Variants in HECW2 observed in about 807,000 individuals in gnomAD.
HECW2 encodes the protein HECT, C2 and WW domain containing E3 ubiquitin protein ligase 2.
In HECW2, 61 loss-of-function variants were observed where a neutral mutation model predicts 175.2. The observed-to-expected ratio is 0.35, with a 90% CI of 0.28 to 0.43. The LOEUF (loss-of-function observed/expected upper bound fraction) is 0.43, where lower values mean the gene tolerates loss of function less well. Ranked by LOEUF, HECW2 falls within the 20% of genes least tolerant of loss-of-function variation. The probability of loss-of-function intolerance (pLI) is 1.00; values close to 1 mark genes in which losing one functional copy is unlikely to be tolerated. For synonymous variants in HECW2, 671 were observed against 731.0 expected (o/e 0.92, Z 1.32); for missense variants, 1,524 against 2,000.5 (o/e 0.76, Z 4.54).
intron 25 of HECW2, 109 bp downstream of exon 25, chr2:196,220,686 G>T: frequency 8.4e-7 from 1 of 1,191,576 alleles, no homozygotes; most frequent in Non-Finnish European, 1.2e-6. Context: ...CATGGAAAGA[G>T]CAACAGTAAA....
chr2:196,307,767 T>A (rs1164001078), intron 11 of HECW2, among the ~76,000 whole-genome samples, 168 bp downstream of exon 11: 1 of 152,194 alleles, frequency 6.6e-6, no homozygotes, highest in East Asian at 1.9e-4. Flanking sequence ...TATTTTTTTT[T>A]AATCAAGAGA....
At chr2:196,216,391 AATCCAAAGGAGCTAAG>A (rs947290833) in intron 27 of HECW2, among the ~76,000 whole-genome samples, 11 of 152,262 alleles carry the variant, frequency 7.2e-5, no homozygotes, top group Admixed American at 1.3e-4. Flanking sequence ...CCAGACCCTT[AATCCAAAGGAGCTAAG>A]ATCCAAAGGA....
chr2:196,275,486 G>A lies in HECW2; in HGVS notation c.3136-1363C>T, dbSNP rs957035029. ...GGAAATGTGTGGGCCAGGCACGGTG[G>A]CTCACACCTATAATCCCAGCACTTT... On this transcript the variant is annotated intron_variant, in intron 15 of 28. Coordinates refer to ENST00000644978, the MANE Select transcript of HECW2 (RefSeq NM_001348768.2). 5.9e-5 allele frequency among the ~76,000 whole-genome samples: 9 copies of A among 152,208 alleles called. No individual in the cohort carries two copies. The East Asian group carries it at 1.3e-3, about 23-fold the overall frequency.
At chr2:196,215,840 A>T (rs777318950) in intron 28 of HECW2, 25 bp downstream of exon 28, 1 of 1,475,540 alleles carries the variant, frequency 6.8e-7, no homozygotes, top group Non-Finnish European at 9.5e-7. Flanking sequence ...TTGTGACAGT[A>T]AAGAAATGTT....
At chr2:196,523,372 T>G (rs1482721538) in intron 1 of HECW2, among the ~76,000 whole-genome samples, 1 of 152,050 alleles carries the variant, frequency 6.6e-6, no homozygotes, top group Non-Finnish European at 1.5e-5. Flanking sequence ...AAGGAGATTT[T>G]GGGCTGAGAC....
chr2:196,571,868 G>C (rs1312943195), intron 1 of HECW2, among the ~76,000 whole-genome samples: 1 of 152,078 alleles, frequency 6.6e-6, no homozygotes, highest in Non-Finnish European at 1.5e-5. Flanking sequence ...ATAGCTAAAA[G>C]GTAGAAGCAA....
intron 2 of HECW2, among the ~76,000 whole-genome samples, chr2:196,411,806 T>A (rs529795148): frequency 6.6e-6 from 1 of 152,100 alleles, no homozygotes; most frequent in South Asian, 2.1e-4. Flanking sequence ...AGGTCAAGAG[T>A]TTCAGACCAG....
intron 1 of HECW2, among the ~76,000 whole-genome samples, chr2:196,466,413 T>G (rs569338855): frequency 2.4e-4 from 36 of 152,362 alleles, no homozygotes; most frequent in African/African-American, 8.2e-4. Flanking sequence ...AATCCAGGGA[T>G]AAAAGTTTAG....
chr2:196,278,999 T>A (rs561360264), intron 14 of HECW2, among the ~76,000 whole-genome samples: 1 of 152,292 alleles, frequency 6.6e-6, no homozygotes, highest in South Asian at 2.1e-4. Context: ...TTTGAGCTCT[T>A]ACTGTCATAT....
intron 1 of HECW2, among the ~76,000 whole-genome samples, chr2:196,574,376 G>C (rs1690488665): frequency 6.6e-6 from 1 of 152,036 alleles, no homozygotes; most frequent in Admixed American, 6.6e-5. Flanking sequence ...GTTGCGGTGA[G>C]CAGAGATAGC....
At chr2:196,433,487 T>G in intron 1 of HECW2, 29 bp from the exon 2 acceptor site, 1 of 1,516,738 alleles carries the variant, frequency 6.6e-7, no homozygotes. Flanking sequence ...CATAAAACAT[T>G]AGTGCTACAA....
At chr2:196,418,517 A>C (rs1328393577) in intron 2 of HECW2, among the ~76,000 whole-genome samples, 2 of 152,206 alleles carry the variant, frequency 1.3e-5, no homozygotes, top group East Asian at 3.9e-4. Context: ...ATACTGGTAC[A>C]TATTTCAGAG....
At chr2:196,464,769 C>T (rs947487291) in intron 1 of HECW2, among the ~76,000 whole-genome samples, 5 of 152,174 alleles carry the variant, frequency 3.3e-5, no homozygotes, top group Non-Finnish European at 5.9e-5. Flanking sequence ...TGGCCAGGCA[C>T]GGTGGCTCAC....
intron 1 of HECW2, among the ~76,000 whole-genome samples, chr2:196,505,809 A>G (rs942014030): frequency 6.6e-6 from 1 of 152,210 alleles, no homozygotes; most frequent in Non-Finnish European, 1.5e-5. Context: ...CATTCAATGA[A>G]TATTTACTGA....
chr2:196,460,910 C>A (rs372490054), intron 1 of HECW2, among the ~76,000 whole-genome samples: 2 of 151,242 alleles, frequency 1.3e-5, no homozygotes, highest in African/African-American at 2.4e-5. Flanking sequence ...CAGGTGTGAG[C>A]CACCATCTCC....
At chr2:196,329,491 G>T (rs931412859) in intron 5 of HECW2, 84 bp downstream of exon 5, 112 of 1,110,014 alleles carry the variant, frequency 1.0e-4, no homozygotes, top group Middle Eastern at 2.0e-4. Flanking sequence ...TATCATATAC[G>T]AAAGTCTGCA....
chr2:196,578,910 T>A (rs573064627), intron 1 of HECW2, among the ~76,000 whole-genome samples: 30 of 151,046 alleles, frequency 2.0e-4, no homozygotes, highest in Admixed American at 1.3e-3. Context: ...CACACAGAAA[T>A]AGAGTATTGG....
chr2:196,363,186 C>A (rs1317072041), intron 2 of HECW2, among the ~76,000 whole-genome samples: 1 of 152,122 alleles, frequency 6.6e-6, no homozygotes, highest in Non-Finnish European at 1.5e-5. Flanking sequence ...ATCACTATGA[C>A]TTTCCAGTGT....
intron 1 of HECW2, among the ~76,000 whole-genome samples, chr2:196,564,232 A>T (rs573622756): frequency 1.2e-4 from 19 of 152,214 alleles, no homozygotes; most frequent in Admixed American, 5.9e-4. Flanking sequence ...TCATAATTTT[A>T]AAAAAAGGCA....
Sources: allele counts gnomAD v4.1 joint callset (sites outside exome capture counted in the v4.1 genomes callset), GRCh38; gene constraint gnomAD v4.1.1; transcripts MANE v1.5; gene names NCBI Gene and HGNC (gene_info 2026-07-23, HGNC 2026-07-21).